Variants in OLR1 observed in about 807,000 individuals in gnomAD.
OLR1 encodes oxidized low-density lipoprotein receptor 1.
Under a neutral mutation model 31.7 loss-of-function variants are expected in OLR1, and 23 were observed. The ratio of observed to expected loss-of-function variants is 0.72; its 90% CI spans 0.52 to 1.03. OLR1 has a LOEUF of 1.03. OLR1 is among the 50% of genes least tolerant of loss of function. The probability of loss-of-function intolerance (pLI) is 0.00; values close to 1 mark genes in which losing one functional copy is unlikely to be tolerated. For missense variants in OLR1, 286 were observed against 315.7 expected, an observed-to-expected ratio of 0.91 and a Z score of 0.71; for synonymous variants, 117 against 115.8, an observed-to-expected ratio of 1.01 and a Z score of -0.07.
chr12:10,160,594 A>G (rs1049204814), intron 4 of OLR1, 132 bp from the exon 5 acceptor site: 1 of 980,716 alleles, frequency 1.0e-6, no homozygotes, highest in Admixed American at 2.2e-5. Flanking sequence ...TGTTTTACGG[A>G]AACACTTACT....
intron 3 of OLR1, among the ~76,000 whole-genome samples, chr12:10,165,593 G>A (rs1315891180): frequency 6.6e-6 from 1 of 151,680 alleles, no homozygotes; most frequent in Non-Finnish European, 1.5e-5. Context: ...AAGAGATAAG[G>A]ATCTATGGAA....
intron 3 of OLR1, among the ~76,000 whole-genome samples, chr12:10,166,115 G>A (rs1390208918): frequency 6.6e-6 from 1 of 152,136 alleles, no homozygotes; most frequent in African/African-American, 2.4e-5. Flanking sequence ...GGGAGGCTGA[G>A]GCAGGAGAAC....
intron 3 of OLR1, among the ~76,000 whole-genome samples, chr12:10,165,406 G>A (rs1209072279): frequency 6.6e-6 from 1 of 152,118 alleles, no homozygotes; most frequent in East Asian, 1.9e-4. Flanking sequence ...TTCCAGCCTG[G>A]GCGACAGAGC....
At chr12:10,164,148 T>C (rs1948642449) in intron 3 of OLR1, among the ~76,000 whole-genome samples, 1 of 152,226 alleles carries the variant, frequency 6.6e-6, no homozygotes, top group South Asian at 2.1e-4. Flanking sequence ...ATACAACTGA[T>C]AAAGACAAAA....
intron 2 of OLR1, among the ~76,000 whole-genome samples, chr12:10,168,834 AAAAC>A (rs565932792): frequency 5.8e-4 from 88 of 152,310 alleles, no homozygotes; most frequent in Middle Eastern, 3.4e-3. Flanking sequence ...AAAACAAAAC[AAAAC>A]AAACAAACAA....
chr12:10,174,267 T>C (rs1948750140), upstream of OLR1, among the ~76,000 whole-genome samples: 1 of 152,118 alleles, frequency 6.6e-6, no homozygotes, highest in Admixed American at 6.6e-5. Context: ...TTCACCATGT[T>C]GGCCAGGCTG....
At position 10,169,076 on chromosome 12, in the gene OLR1, T is replaced by G. The variant is rs780301046; in HGVS notation, c.176A>C (p.Gln59Pro). The G allele has an allele frequency of 1.9e-6, 3 of 1,601,756 alleles. No homozygotes were observed. Among genetic ancestry groups the G allele is most frequent in the Non-Finnish European group, 2.6e-6 (3 of 1,175,574 alleles). ...CAGTTCCGTATTTTAGCACTTACAT[T>G]GCATGCCCAGCACCATAATGGTCAC... ...LVVTIMVLGM[Q>P]LSQVSDLLTQ... The change falls in exon 2 of 6, where the codon CAA (glutamine) becomes CCA (proline). Residue 59 changes from glutamine to proline, a missense_variant and splice_region_variant. By Grantham distance (76) the Gln-to-Pro change is moderately conservative. Transcript: ENST00000309539.
intron 1 of OLR1, among the ~76,000 whole-genome samples, chr12:10,169,602 T>C (rs34651159): frequency 0.012 from 1,841 of 152,302 alleles, 28 homozygotes; most frequent in African/African-American, 0.041. Context: ...CGTGTACACA[T>C]GTGCACACAA....
chr12:10,169,150 C>T lies in OLR1; in HGVS notation c.102G>A (p.Trp34Ter), dbSNP rs1341938679. The part of the protein sequence containing the change: ...AKGLQFLYSP[W>*]WCLAAATLGV... ...CTAGAGTCGCAGCAGCCAGGCACCA[C>T]CATGGAGAGTAAAGAAACTGAAGAC... Residue 34 changes from tryptophan (W) to a stop codon, truncating the protein, a stop_gained, in exon 2 of 6, where the codon TGG becomes TGA. Coordinates refer to ENST00000309539, the MANE Select transcript of OLR1 (RefSeq NM_002543.4). LOFTEE classifies it high-confidence loss of function. 1 of 1,613,588 alleles carries T rather than the reference C, an allele frequency of 6.2e-7. No homozygotes were observed. The highest frequency in any genetic ancestry group is 1.1e-5 in the South Asian group (1 of 91,036).
chr12:10,171,907 G>C, intron 1 of OLR1, 95 bp downstream of exon 1: 2 of 829,522 alleles, frequency 2.4e-6, no homozygotes, highest in Non-Finnish European at 2.0e-6. Flanking sequence ...CCCATACTTG[G>C]GTGTTTAGCT....
In OLR1 at chr12:10,159,837, T is replaced by C. The variant is rs753926543; in HGVS notation, c.*43A>G. The C allele has an allele frequency of 6.4e-7, 1 of 1,558,406 alleles. No homozygotes were observed. The highest frequency in any genetic ancestry group is 1.8e-5 in the Admixed American group (1 of 55,804). Reference sequence around the variant, plus strand: ...ACAAAGAATAGCTTAAATTCCAGAATAAAACTCAAAGACTTTTTTCTTTTC... The same window carrying C: ...ACAAAGAATAGCTTAAATTCCAGAACAAAACTCAAAGACTTTTTTCTTTTC... On this transcript the variant is annotated 3_prime_UTR_variant, in exon 6 of 6. Coordinates refer to ENST00000309539, the MANE Select transcript of OLR1 (RefSeq NM_002543.4).
chr12:10,176,062 A>G (rs746207048), upstream of OLR1, among the ~76,000 whole-genome samples: 2 of 152,220 alleles, frequency 1.3e-5, no homozygotes, highest in Non-Finnish European at 2.9e-5. Context: ...CACAAGCTTA[A>G]TGGAACTGCA....
rs1555086606 is a variant in OLR1, at chr12:10,159,287, A to ATGCG, written c.*592_*593insCGCA. ...TCTTGGGCTCCCCACTTGTCCCAAA[A>ATGCG]TGTGTGTGTGTGTGTGTGTGTGTGT... On this transcript the variant is annotated 3_prime_UTR_variant, in exon 6 of 6. Coordinates refer to ENST00000309539, the MANE Select transcript of OLR1 (RefSeq NM_002543.4). 6.7e-6 allele frequency: 1 copy of ATGCG among 148,286 alleles called. No homozygotes were observed. Among genetic ancestry groups the ATGCG allele is most frequent in the African/African-American group, 2.5e-5 (1 of 39,958 alleles). The allele number at this position is 148,286 out of a possible 1,614,324, so 9.2% of individuals were successfully genotyped here.
upstream of OLR1, among the ~76,000 whole-genome samples, chr12:10,173,210 C>T (rs892104838): frequency 6.6e-6 from 1 of 152,082 alleles, no homozygotes; most frequent in Non-Finnish European, 1.5e-5. Flanking sequence ...TTGACAACCT[C>T]CTAACCAGAT....
intron 4 of OLR1, 127 bp from the exon 5 acceptor site, chr12:10,160,589 T>G (rs1395804516): frequency 5.1e-6 from 5 of 979,646 alleles, no homozygotes; most frequent in Non-Finnish European, 7.8e-6. Flanking sequence ...TTGACTGTTT[T>G]ACGGAAACAC....
intron 2 of OLR1, 60 bp from the exon 3 acceptor site, chr12:10,167,017 T>A (rs1477586372): frequency 2.0e-6 from 3 of 1,508,818 alleles, no homozygotes; most frequent in Non-Finnish European, 2.7e-6. Flanking sequence ...CTCCAGGGAC[T>A]TTTTGAGGAA....
In OLR1 at chr12:10,171,974, C is replaced by A. The variant is rs776752994; in HGVS notation, c.76+28G>T. ...TTGGGGCTAACACTGGGATTCTTTC[C>A]CTGTACACATTTTCCCATCCCTAGT... is the stretch of plus-strand genomic sequence containing the variant. On this transcript the variant is annotated intron_variant, in intron 1 of 5. Transcript: ENST00000309539. The A allele has an allele frequency of 8.3e-6, 13 of 1,557,582 alleles. No homozygotes were observed. The South Asian group carries it at 1.3e-4, about 16-fold the overall frequency.
intron 2 of OLR1, among the ~76,000 whole-genome samples, chr12:10,168,866 G>A (rs1200638757): frequency 6.6e-6 from 1 of 152,076 alleles, no homozygotes; most frequent in African/African-American, 2.4e-5. Flanking sequence ...CCTACCAATT[G>A]TAATTTTTAT....
chr12:10,169,213 G>C (rs1230408127), intron 1 of OLR1, 38 bp from the exon 2 acceptor site: 1 of 1,463,580 alleles, frequency 6.8e-7, no homozygotes, highest in Non-Finnish European at 9.5e-7. Context: ...AGACAAAAAA[G>C]AGTGAACAAG....
Sources: allele counts gnomAD v4.1 joint callset (sites outside exome capture counted in the v4.1 genomes callset), GRCh38; gene constraint gnomAD v4.1.1; transcripts MANE v1.5; gene names NCBI Gene and HGNC (gene_info 2026-07-23, HGNC 2026-07-21).